Variants in PPP5C observed in about 807,000 individuals in gnomAD.
PPP5C encodes serine/threonine-protein phosphatase 5.
A neutral mutation model predicts 66.7 loss-of-function variants in PPP5C; 21 were observed. That is an observed-to-expected ratio of 0.31 (90% CI 0.22 to 0.45). The LOEUF is 0.45. PPP5C is among the 20% of genes least tolerant of loss of function. PPP5C has a pLI of 1.00. For synonymous variants in PPP5C, 246 were observed against 257.4 expected, an observed-to-expected ratio of 0.96 and a Z score of 0.43; for missense variants, 464 against 675.9, an observed-to-expected ratio of 0.69 and a Z score of 3.48.
chr19:46,389,362 AACACACACACACAC>A (rs57181889), intron 11 of PPP5C, among the ~76,000 whole-genome samples: 258 of 97,894 alleles, frequency 2.6e-3, no homozygotes, highest in Admixed American at 4.2e-3. Context: ...TCCATCTCAA[AACACACACACACAC>A]ACACACACAC....
At position 46,363,650 on chromosome 19, in the gene PPP5C, G is replaced by A. The variant is rs181957415; in HGVS notation, c.363+9661G>A. Among the ~76,000 whole-genome samples the A allele has an allele frequency of 1.4e-3, 208 of 151,998 alleles. No individual in the cohort carries two copies. The East Asian group carries it at 0.018, about 13-fold the overall frequency. On this transcript the variant is annotated intron_variant, in intron 2 of 12. Coordinates refer to ENST00000012443, the MANE Select transcript of PPP5C (RefSeq NM_006247.4). ...TTCACCATGTTGGCCAGATGGTCTC[G>A]ATCTCCTGACCTTGTGATCTGCCCC...
chr19:46,386,979 G>A (rs557463774), intron 7 of PPP5C, 114 bp from the exon 8 acceptor site: 15 of 1,469,684 alleles, frequency 1.0e-5, no homozygotes, highest in South Asian at 4.9e-5. Context: ...TGGCAAGTGC[G>A]AGGCCCATGG....
chr19:46,389,920 G>T, intron 11 of PPP5C, 131 bp from the exon 12 acceptor site: 1 of 758,694 alleles, frequency 1.3e-6, no homozygotes, highest in Non-Finnish European at 2.3e-6. Flanking sequence ...CTGTCTCTCT[G>T]TCCATCTGTG....
intron 2 of PPP5C, among the ~76,000 whole-genome samples, chr19:46,367,332 T>C (rs1332981906): frequency 1.3e-5 from 2 of 152,172 alleles, no homozygotes; most frequent in Non-Finnish European, 2.9e-5. Context: ...TGTACCAGCG[T>C]ATTTCTCCCT....
Position 46,367,164 on chromosome 19 carries a change from C to T in PPP5C, c.364-8440C>T, listed in dbSNP as rs140640624. ...TGTGAAAGCACAACCCACTCCCATCCGGCCCTTGGGAATTCTGACAGAAGG... is the reference window on the plus strand; with the variant it reads ...TGTGAAAGCACAACCCACTCCCATCTGGCCCTTGGGAATTCTGACAGAAGG... On this transcript the variant is annotated intron_variant, in intron 2 of 12. Transcript: ENST00000012443. Among the ~76,000 whole-genome samples the T allele has an allele frequency of 1.1e-3, 167 of 152,306 alleles. 1 individual carries two copies. In the East Asian group the frequency reaches 0.024, roughly 22 times the overall value.
Position 46,383,625 on chromosome 19 carries a change from C to G in PPP5C, c.699+149C>G. On this transcript the variant is annotated intron_variant, in intron 5 of 12. Transcript: ENST00000012443. The surrounding 1 kb of genome is among the most constrained non-coding windows in gnomAD (Gnocchi z 5.0). ...CTTTCCTCCTGAATATCCCATTTCT[C>G]TCCTGGCCTCTTGGTCTTCGTTTGT... 2 of 1,028,930 alleles carry G rather than the reference C, an allele frequency of 1.9e-6. No individual in the cohort carries two copies. The highest frequency in any genetic ancestry group is 2.9e-6 in the Non-Finnish European group (2 of 701,096). 63.7% of individuals were successfully genotyped at this position (1,028,930 alleles called of 1,614,324 possible).
chr19:46,360,869 C>G (rs1310588232), intron 2 of PPP5C, among the ~76,000 whole-genome samples: 1 of 152,122 alleles, frequency 6.6e-6, no homozygotes. Flanking sequence ...GATCACACAT[C>G]ACTGTGAAAT....
chr19:46,361,007 C>A (rs1023686121), intron 2 of PPP5C, among the ~76,000 whole-genome samples: 5 of 152,048 alleles, frequency 3.3e-5, no homozygotes, highest in Non-Finnish European at 7.4e-5. Flanking sequence ...AGCATAAGAG[C>A]AACAGAATCT....
intron 4 of PPP5C, among the ~76,000 whole-genome samples, chr19:46,380,421 G>A (rs1003484588): frequency 6.6e-6 from 1 of 151,920 alleles, no homozygotes; most frequent in African/African-American, 2.4e-5. Flanking sequence ...TAAATACATT[G>A]TTGTCATTTC....
chr19:46,356,105 G>T (rs2147365167), intron 2 of PPP5C, among the ~76,000 whole-genome samples: 1 of 152,336 alleles, frequency 6.6e-6, no homozygotes, highest in Middle Eastern at 3.4e-3. Context: ...CATCTTGTGG[G>T]TGTGCCACGT....
intron 4 of PPP5C, among the ~76,000 whole-genome samples, chr19:46,378,225 T>G (rs2147392368): frequency 6.6e-6 from 1 of 152,336 alleles, no homozygotes; most frequent in Non-Finnish European, 1.5e-5. Flanking sequence ...TAGAATTGTT[T>G]TCTAATTTTC....
chr19:46,349,707 A>T (rs938405482), intron 1 of PPP5C, among the ~76,000 whole-genome samples: 7 of 152,056 alleles, frequency 4.6e-5, no homozygotes, highest in African/African-American at 1.7e-4. Context: ...ACTCCAGGGT[A>T]AGACAGGAAG....
chr19:46,352,676 C>T (rs987063898), intron 1 of PPP5C, among the ~76,000 whole-genome samples: 9 of 152,242 alleles, frequency 5.9e-5, no homozygotes, highest in Admixed American at 5.2e-4. Flanking sequence ...AAAAATTAGC[C>T]GGGTATAGTG....
chr19:46,387,354 C>A lies in PPP5C; in HGVS notation c.1048-12C>A. The stretch of plus-strand genomic sequence containing the variant: ...GCACCTTCCCTCACAGCGGCATCCC[C>A]CATCTCCCCAGATCATGCACGGAGG... On this transcript the variant is annotated splice_polypyrimidine_tract_variant and intron_variant, in intron 8 of 12. Coordinates refer to ENST00000012443, the MANE Select transcript of PPP5C (RefSeq NM_006247.4). The A allele has an allele frequency of 6.2e-7, 1 of 1,606,672 alleles. No homozygotes were observed. Among genetic ancestry groups the A allele is most frequent in the Non-Finnish European group, 8.5e-7 (1 of 1,174,174 alleles).
chr19:46,386,098 C>T (rs775945415), intron 7 of PPP5C, among the ~76,000 whole-genome samples: 8 of 152,096 alleles, frequency 5.3e-5, no homozygotes, highest in Non-Finnish European at 1.2e-4. Flanking sequence ...GTGACGAAGA[C>T]GGGAACATGT....
chr19:46,384,294 G>C (rs1972845471), intron 6 of PPP5C: 1 of 261,070 alleles, frequency 3.8e-6, no homozygotes, highest in Non-Finnish European at 7.4e-6. Context: ...ATAATAATAT[G>C]TGCAACCTTG....
At chr19:46,386,717 A>T in intron 7 of PPP5C, 1 of 285,428 alleles carries the variant, frequency 3.5e-6, no homozygotes, top group Non-Finnish European at 6.9e-6. Flanking sequence ...GGCTCAAGTG[A>T]TCCTCTGGCC....
chr19:46,389,461 A>AGT (rs199582533), intron 11 of PPP5C, among the ~76,000 whole-genome samples: 2 of 78,954 alleles, frequency 2.5e-5, no homozygotes, highest in Non-Finnish European at 4.6e-5. Flanking sequence ...ACACACACAC[A>AGT]GTGTTGATCC....
At chr19:46,352,450 T>G (rs1972204287) in intron 1 of PPP5C, among the ~76,000 whole-genome samples, 2 of 152,166 alleles carry the variant, frequency 1.3e-5, no homozygotes, top group Non-Finnish European at 2.9e-5. Flanking sequence ...CTTACCCCTG[T>G]GCCACGCTCC....
Sources: allele counts gnomAD v4.1 joint callset (sites outside exome capture counted in the v4.1 genomes callset), GRCh38; gene constraint gnomAD v4.1.1; non-coding constraint Gnocchi (gnomAD v3.1); transcripts MANE v1.5; gene names NCBI Gene and HGNC (gene_info 2026-07-23, HGNC 2026-07-21).